UAP1: variants seen among roughly 807,000 people sequenced by gnomAD.
UAP1 encodes the protein UDP-N-acetylglucosamine pyrophosphorylase 1, also known as UDP-N-acetylhexosamine pyrophosphorylase.
UAP1 carries 25 observed loss-of-function variants against 58.5 expected under a neutral mutation model. The observed-to-expected ratio is 0.43, with a 90% CI of 0.31 to 0.60. The LOEUF is 0.60. UAP1 is among the 20% of genes least tolerant of loss of function. The probability of loss-of-function intolerance (pLI) is 0.11; values close to 1 mark genes in which losing one functional copy is unlikely to be tolerated. For synonymous variants in UAP1, 208 were observed against 213.0 expected (o/e 0.98, Z 0.21); for missense variants, 575 against 630.0 (o/e 0.91, Z 0.93).
At position 162,587,042 on chromosome 1, in the gene UAP1, A is replaced by G. The variant is rs538497257; in HGVS notation, c.835-433A>G. 1.1e-4 allele frequency among the ~76,000 whole-genome samples: 17 copies of G among 152,342 alleles called. No homozygotes were observed. In the South Asian group the frequency reaches 3.5e-3, roughly 32 times the overall value. ...TATCGGGCAATAGAAAATGAGAGAC[A>G]AAATGCCTAACTTAGGTCTTTTGTC... On this transcript the variant is annotated intron_variant, in intron 5 of 10. Transcript: ENST00000271469.
chr1:162,574,903 A>T (rs1057343032), intron 2 of UAP1, among the ~76,000 whole-genome samples: 24 of 152,184 alleles, frequency 1.6e-4, no homozygotes, highest in African/African-American at 5.8e-4. Context: ...TTGAAGAATA[A>T]CATTTTTATT....
intron 10 of UAP1, among the ~76,000 whole-genome samples, chr1:162,598,755 T>C (rs1655758664): frequency 6.6e-6 from 1 of 152,230 alleles, no homozygotes; most frequent in African/African-American, 2.4e-5. Context: ...GGCTCATGCC[T>C]GTAATCCCAG....
rs199802199 is a variant in UAP1 at position 162,589,970 on chromosome 1, C to CA, written c.1170-346dup. Among the ~76,000 whole-genome samples, 307 of 149,644 alleles carry CA rather than the reference C, an allele frequency of 2.1e-3. 6 individuals are homozygous for CA. The East Asian group carries it at 0.05, about 24-fold the overall frequency. On this transcript the variant is annotated intron_variant, in intron 7 of 10. Transcript: ENST00000271469. ...TGGGTGACAGAGTGAGACTCCGTCT[C>CA]AAAAAAATAAATAAATAAAATGAAA...
At chr1:162,580,130 G>A (rs926653566) in intron 4 of UAP1, among the ~76,000 whole-genome samples, 5 of 152,132 alleles carry the variant, frequency 3.3e-5, no homozygotes, top group African/African-American at 4.8e-5. Context: ...GCCTCCCAAA[G>A]TGCTGGAATT....
intron 7 of UAP1, among the ~76,000 whole-genome samples, 173 bp downstream of exon 7, chr1:162,589,006 A>G (rs879009404): frequency 1.4e-5 from 2 of 146,236 alleles, no homozygotes; most frequent in Non-Finnish European, 3.0e-5. Flanking sequence ...TAAAACCAGG[A>G]GTGTGATCTG....
At chr1:162,600,791 G>A (rs1655869391), downstream of UAP1, among the ~76,000 whole-genome samples, 2 of 151,556 alleles carry the variant, frequency 1.3e-5, no homozygotes, top group Non-Finnish European at 2.9e-5. Flanking sequence ...ATCTATTCCA[G>A]TTTTCAAAAA....
rs12043619 is a variant in UAP1, at chr1:162,598,280, A to G, written c.1476+422A>G. The stretch of plus-strand genomic sequence containing the variant: ...TTCTGGCATTGTTTTATGTTTAAGT[A>G]GGGATGTCCTTAGAGAAGATGCAGC... On this transcript the variant is annotated intron_variant, in intron 10 of 10. Coordinates refer to ENST00000271469, the Ensembl canonical transcript of UAP1. 1.0e-2 allele frequency among the ~76,000 whole-genome samples: 1,503 copies of G among 150,556 alleles called. 40 individuals are homozygous for G. Among genetic ancestry groups the G allele is most frequent in the East Asian group, 0.095 (473 of 4,976 alleles).
rs61743748 is a variant in UAP1, at chr1:162,587,615, G to A, written c.975G>A (p.Ala325=). 1.9e-3 allele frequency: 3,062 copies of A among 1,613,998 alleles called. 50 individuals carry two copies. In the African/African-American group the frequency reaches 0.036, roughly 19 times the overall value. The change falls in exon 6 of 11, where the codon GCG becomes GCA. Residue 325 remains alanine, a synonymous_variant. Transcript: ENST00000271469. ...CAGACGGACGACTGCTGTTCAATGCGGGGAACATTGCCAACCATTTCTTCA... is the reference window on the plus strand; with the variant it reads ...CAGACGGACGACTGCTGTTCAATGCAGGGAACATTGCCAACCATTTCTTCA...
At chr1:162,581,598 C>G (rs1016314582) in intron 5 of UAP1, 139 bp downstream of exon 5, 3 of 810,774 alleles carry the variant, frequency 3.7e-6, no homozygotes, top group Non-Finnish European at 5.5e-6. Flanking sequence ...TAAACGGTCC[C>G]ACACCCACTT....
At chr1:162,591,006 C>T (rs868644614) in intron 8 of UAP1, among the ~76,000 whole-genome samples, 9 of 151,746 alleles carry the variant, frequency 5.9e-5, no homozygotes, top group African/African-American at 1.5e-4. Flanking sequence ...TCACTGCAGC[C>T]TCCACCTCCC....
Position 162,581,163 on chromosome 1 carries a change from G to A in UAP1, c.662-124G>A. 3.7e-6 allele frequency: 4 copies of A among 1,077,162 alleles called. No homozygotes were observed. The Admixed American group carries it at 7.1e-5, about 19-fold the overall frequency. The allele number at this position is 1,077,162 out of a possible 1,614,324, so 66.7% of individuals were successfully genotyped here. On this transcript the variant is annotated intron_variant, in intron 4 of 10. Coordinates refer to ENST00000271469, the Ensembl canonical transcript of UAP1. ...CTGATTCCTTCCTTATGGATATTCA[G>A]TTTTCTTGCCTTTGTAAAGCGAATT...
At chr1:162,598,957 AGT>A (rs1557983678) in intron 10 of UAP1, among the ~76,000 whole-genome samples, 1 of 152,056 alleles carries the variant, frequency 6.6e-6, no homozygotes, top group Non-Finnish European at 1.5e-5. Context: ...TGGGGGTTGC[AGT>A]GAGCATAGGG....
rs148406493 is a variant in UAP1, at chr1:162,587,478, G to A, written c.838G>A (p.Val280Ile). 11 of 1,604,556 alleles carry A rather than the reference G, an allele frequency of 6.9e-6. No individual in the cohort carries two copies. In the African/African-American group the frequency reaches 1.3e-4, roughly 20 times the overall value. Residue 280 changes from valine to isoleucine, a missense_variant, in exon 6 of 11, where the codon GTA (valine) becomes ATA (isoleucine). Transcript: ENST00000271469. ...ACTGTTTTTCTCTGGTGGACAGGTG[G>A]TAGAGAAAACGAACCCTACAGAACC...
At chr1:162,592,077 G>T (rs927440004) in intron 8 of UAP1, among the ~76,000 whole-genome samples, 4 of 152,154 alleles carry the variant, frequency 2.6e-5, no homozygotes, top group African/African-American at 9.7e-5. Context: ...GGATAAGATG[G>T]CTGGCTGCAA....
intron 8 of UAP1, 105 bp downstream of exon 8, chr1:162,590,616 G>A (rs1243720202): frequency 6.4e-6 from 6 of 941,316 alleles, no homozygotes; most frequent in Non-Finnish European, 9.1e-6. Context: ...TTTTTAAAAA[G>A]CAAAGTTTTG....
intron 5 of UAP1, among the ~76,000 whole-genome samples, chr1:162,585,241 A>G (rs115247488): frequency 0.011 from 1,614 of 148,204 alleles, 23 homozygotes; most frequent in African/African-American, 0.038. Flanking sequence ...TACACCTTTT[A>G]AGTTTATACT....
At chr1:162,579,543 G>T in exon 4 of UAP1, 1 of 1,608,962 alleles carries the variant, frequency 6.2e-7, no homozygotes, top group Non-Finnish European at 8.5e-7. Context: ...AATGCTCCCC[G>T]CCATGAGTTT....
chr1:162,570,104 G>A (rs1007866240), intron 2 of UAP1, among the ~76,000 whole-genome samples: 3 of 150,786 alleles, frequency 2.0e-5, no homozygotes, highest in Admixed American at 1.3e-4. Flanking sequence ...AGCCAAGATC[G>A]TGCCACTGTA....
chr1:162,572,120 C>T (rs1445451526), intron 2 of UAP1, among the ~76,000 whole-genome samples: 3 of 152,190 alleles, frequency 2.0e-5, no homozygotes, highest in Non-Finnish European at 2.9e-5. Flanking sequence ...TAGTGTACAT[C>T]TGATTGGCAT....
Sources: gnomAD v4.1 joint callset for allele counts (sites outside exome capture counted in the v4.1 genomes callset) on GRCh38, gnomAD v4.1.1 for gene constraint, MANE v1.5 for transcripts, NCBI Gene and HGNC (gene_info 2026-07-23, HGNC 2026-07-21) for gene names.